The following C10orf62 variants were observed in gnomAD, a reference collection of about 807,000 sequenced individuals.
The protein encoded by C10orf62 is uncharacterized protein C10orf62.
For synonymous variants in C10orf62, 94 were observed against 109.7 expected, an observed-to-expected ratio of 0.86 and a Z score of 0.89; for missense variants, 279 against 281.9, an observed-to-expected ratio of 0.99 and a Z score of 0.07.
At position 97,589,802 on chromosome 10, in the gene C10orf62, TG is replaced by T; in HGVS notation, c.-94del. ...CAGCGTGCTCTTAGCTCTGCCTGCC[TG>T]GTGTAGGGTCCTGGAGACCTTCTTG... On this transcript the variant is annotated 5_prime_UTR_variant, in exon 1 of 1. Transcript: ENST00000370640. 1 of 891,340 alleles carries T rather than the reference TG, an allele frequency of 1.1e-6. No homozygotes were observed. Among genetic ancestry groups the T allele is most frequent in the Non-Finnish European group, 1.8e-6 (1 of 562,108 alleles). 55.2% of individuals were successfully genotyped at this position (891,340 alleles called of 1,614,324 possible). A position where few individuals can be genotyped will look rare whatever the true frequency, so the allele number is the denominator to read the frequency against.
At position 97,590,300 on chromosome 10, in the gene C10orf62, G is replaced by A; in HGVS notation, c.403G>A (p.Asp135Asn). The change falls in exon 1 of 1, where the codon GAC (aspartate) becomes AAC (asparagine). Residue 135 changes from aspartate (D) to asparagine (N), a missense_variant. Coordinates refer to ENST00000370640, the MANE Select transcript of C10orf62 (RefSeq NM_001009997.3). ...AAVAACTKEI[D>N]TQGRHLAHSM... ...TGTGGCTGCCTGCACCAAGGAGATT[G>A]ACACCCAGGGGCGGCACCTGGCTCA... The A allele has an allele frequency of 6.2e-7, 1 of 1,613,790 alleles. No homozygotes were observed.
In C10orf62 at chr10:97,590,269, G is replaced by A. The variant is rs1424630143; in HGVS notation, c.372G>A (p.Trp124Ter). The A allele has an allele frequency of 6.2e-7, 1 of 1,613,756 alleles. No homozygotes were observed. Among genetic ancestry groups the A allele is most frequent in the South Asian group, 1.1e-5 (1 of 91,082 alleles). ...CCCCATCCACTGATGAGGCCACGTGGGCCGCTGTGGCTGCCTGCACCAAGG... is the reference window on the plus strand; with the variant it reads ...CCCCATCCACTGATGAGGCCACGTGAGCCGCTGTGGCTGCCTGCACCAAGG... ...GKAPSTDEAT[W>*]AAVAACTKEI... The change falls in exon 1 of 1, where the codon TGG (tryptophan) becomes TGA (stop). Residue 124 changes from tryptophan to a stop codon, truncating the protein, a stop_gained. Coordinates refer to ENST00000370640, the MANE Select transcript of C10orf62 (RefSeq NM_001009997.3). LOFTEE classifies it low-confidence loss of function (END_TRUNC).
At position 97,589,781 on chromosome 10, in the gene C10orf62, G is replaced by T. The variant is rs11540693; in HGVS notation, c.-117G>T. 105,748 of 748,752 alleles carry T rather than the reference G, an allele frequency of 0.14. 8,599 individuals are homozygous for T. The highest frequency in any genetic ancestry group is 0.17 in the Non-Finnish European group (75,174 of 437,056). The allele number at this position is 748,752 out of a possible 1,614,324, so 46.4% of individuals were successfully genotyped here. On this transcript the variant is annotated 5_prime_UTR_variant, in exon 1 of 1. Coordinates refer to ENST00000370640, the MANE Select transcript of C10orf62 (RefSeq NM_001009997.3). The stretch of plus-strand genomic sequence containing the variant: ...ATCATACCACCAGAGATCACCCAGC[G>T]TGCTCTTAGCTCTGCCTGCCTGGTG...
Position 97,589,821 on chromosome 10 carries a change from C to T in C10orf62, c.-77C>T. On this transcript the variant is annotated 5_prime_UTR_variant, in exon 1 of 1. Transcript: ENST00000370640. Reference sequence around the variant, plus strand: ...CCTGCCTGGTGTAGGGTCCTGGAGACCTTCTTGGAGCTCATCCAGCAGCCA... The same window carrying T: ...CCTGCCTGGTGTAGGGTCCTGGAGATCTTCTTGGAGCTCATCCAGCAGCCA... The T allele has an allele frequency of 8.7e-7, 1 of 1,150,904 alleles. No homozygotes were observed. Among genetic ancestry groups the T allele is most frequent in the Non-Finnish European group, 1.3e-6 (1 of 784,854 alleles). 71.3% of individuals were successfully genotyped at this position (1,150,904 alleles called of 1,614,324 possible). A position where few individuals can be genotyped will look rare whatever the true frequency, so the allele number is the denominator to read the frequency against.
At position 97,589,844 on chromosome 10, in the gene C10orf62, C is replaced by T; in HGVS notation, c.-54C>T. On this transcript the variant is annotated 5_prime_UTR_variant, in exon 1 of 1. Coordinates refer to ENST00000370640, the MANE Select transcript of C10orf62 (RefSeq NM_001009997.3). ...GACCTTCTTGGAGCTCATCCAGCAG[C>T]CATCATGCAAGGTGGTGCTGGGGAC... is the stretch of plus-strand genomic sequence containing the variant. The T allele has an allele frequency of 1.4e-6, 2 of 1,407,222 alleles. No homozygotes were observed. Among genetic ancestry groups the T allele is most frequent in the South Asian group, 1.3e-5 (1 of 79,818 alleles). The allele number at this position is 1,407,222 out of a possible 1,614,324, so 87.2% of individuals were successfully genotyped here. A position where few individuals can be genotyped will look rare whatever the true frequency, so the allele number is the denominator to read the frequency against.
Position 97,590,097 on chromosome 10 carries a change from A to T in C10orf62, c.200A>T (p.Glu67Val), listed in dbSNP as rs571127035. ...GNATQTESGS[E>V]EVSSTVHIET... Reference sequence around the variant, plus strand: ...GCTACCCAGACTGAGAGTGGGAGTGAAGAGGTCAGCTCCACGGTTCACATA... The same window carrying T: ...GCTACCCAGACTGAGAGTGGGAGTGTAGAGGTCAGCTCCACGGTTCACATA... Residue 67 changes from glutamate (E) to valine (V), a missense_variant, in exon 1 of 1, where the codon GAA becomes GTA. By Grantham distance (121) the Glu-to-Val change is moderately radical. Coordinates refer to ENST00000370640, the MANE Select transcript of C10orf62 (RefSeq NM_001009997.3). The T allele has an allele frequency of 1.1e-5, 18 of 1,614,120 alleles. No individual in the cohort carries two copies. In the Admixed American group the frequency reaches 2.2e-4, roughly 19 times the overall value.
rs1318430367 is a variant in C10orf62, at chr10:97,589,935, C to T, written c.38C>T (p.Thr13Ile). 1 of 1,613,944 alleles carries T rather than the reference C, an allele frequency of 6.2e-7. No homozygotes were observed. Among genetic ancestry groups the T allele is most frequent in the East Asian group, 2.2e-5 (1 of 44,886 alleles). The change falls in exon 1 of 1, where the codon ACC (threonine) becomes ATC (isoleucine). Residue 13 changes from threonine (T) to isoleucine (I), a missense_variant. Physicochemically the swap from Thr to Ile is moderately conservative, Grantham distance 89. Transcript: ENST00000370640. ...CAGAGAAAGAGGAGAAGAAAGGAAA[C>T]CTCTGAGTGTCCATCAGACAAGGAC... Reference protein sequence around the residue: ...WVQRKRRRKETSECPSDKDKS... With the variant: ...WVQRKRRRKEISECPSDKDKS...
In C10orf62 at chr10:97,589,751, C is replaced by A. The variant is rs1369871763; in HGVS notation, c.-147C>A. On this transcript the variant is annotated 5_prime_UTR_variant, in exon 1 of 1. Coordinates refer to ENST00000370640, the MANE Select transcript of C10orf62 (RefSeq NM_001009997.3). The stretch of plus-strand genomic sequence containing the variant: ...TCCTTGGGGAGCCTGCCCTTTCAAG[C>A]ATGAATCATACCACCAGAGATCACC... The A allele has an allele frequency of 2.9e-6, 2 of 688,108 alleles. No homozygotes were observed. Among genetic ancestry groups the A allele is most frequent in the Non-Finnish European group, 5.1e-6 (2 of 392,656 alleles). 42.6% of individuals were successfully genotyped at this position (688,108 alleles called of 1,614,324 possible). A position where few individuals can be genotyped will look rare whatever the true frequency, so the allele number is the denominator to read the frequency against.
rs1191144942 is a variant in C10orf62, at chr10:97,590,446, C to T, written c.549C>T (p.Leu183=). The T allele has an allele frequency of 6.2e-7, 1 of 1,613,972 alleles. No individual in the cohort carries two copies. Among genetic ancestry groups the T allele is most frequent in the Non-Finnish European group, 8.5e-7 (1 of 1,180,032 alleles). Residue 183 remains leucine, a synonymous_variant, in exon 1 of 1, where the codon CTC becomes CTT. Transcript: ENST00000370640. ...EVEMKLQKNF[L]TQRENTIAGA... is the part of the protein sequence containing the mutation. ...AGATGAAGCTGCAAAAGAATTTCCTCACCCAGCGGGAAAACACCATAGCTG... is the reference window on the plus strand; with the variant it reads ...AGATGAAGCTGCAAAAGAATTTCCTTACCCAGCGGGAAAACACCATAGCTG...
In C10orf62 at chr10:97,590,871, A is replaced by G. The variant is rs2041016769; in HGVS notation, c.*302A>G. 1.9e-5 allele frequency: 9 copies of G among 467,612 alleles called. No homozygotes were observed. The South Asian group carries it at 2.5e-4, about 13-fold the overall frequency. The allele number at this position is 467,612 out of a possible 1,614,324, so 29.0% of individuals were successfully genotyped here. A position where few individuals can be genotyped will look rare whatever the true frequency, so the allele number is the denominator to read the frequency against. ...CCACCAAGAGAAGACAGATGGGAGC[A>G]GGCAAGAGCCCCACACTGATGTCAT... On this transcript the variant is annotated 3_prime_UTR_variant, in exon 1 of 1. Transcript: ENST00000370640.
rs556810078 is a variant in C10orf62, at chr10:97,590,134, C to T, written c.237C>T (p.Thr79=). ...VSSTVHIETF[T]TRHGEVGSAL... is the part of the protein sequence containing the mutation. ...CCACGGTTCACATAGAGACCTTCACCACGAGGCACGGAGAAGTGGGCTCCG... is the reference window on the plus strand; with the variant it reads ...CCACGGTTCACATAGAGACCTTCACTACGAGGCACGGAGAAGTGGGCTCCG... Residue 79 remains threonine, a synonymous_variant, in exon 1 of 1, where the codon ACC becomes ACT. Transcript: ENST00000370640. 2.8e-4 allele frequency: 449 copies of T among 1,614,120 alleles called. 3 individuals are homozygous for T. The South Asian group carries it at 4.4e-3, about 16-fold the overall frequency.
In C10orf62 at chr10:97,590,148, A is replaced by T; in HGVS notation, c.251A>T (p.Glu84Val). Residue 84 changes from glutamate to valine, a missense_variant, in exon 1 of 1, where the codon GAA becomes GTA. By Grantham distance (121) the Glu-to-Val change is moderately radical. Coordinates refer to ENST00000370640, the MANE Select transcript of C10orf62 (RefSeq NM_001009997.3). ...GAGACCTTCACCACGAGGCACGGAG[A>T]AGTGGGCTCCGCTCTGCACCGGGAA... ...HIETFTTRHG[E>V]VGSALHRESF... The T allele has an allele frequency of 6.2e-7, 1 of 1,614,036 alleles. No homozygotes were observed.
rs768239290 is a variant in C10orf62 at position 97,590,466 on chromosome 10, T to C, written c.569T>C (p.Ile190Thr). 6.2e-7 allele frequency: 1 copy of C among 1,613,632 alleles called. No individual in the cohort carries two copies. ...TTCCTCACCCAGCGGGAAAACACCA[T>C]AGCTGGTGCCAATCACACACACACC... ...KNFLTQRENT[I>T]AGANHTHTFY... The change falls in exon 1 of 1, where the codon ATA (isoleucine) becomes ACA (threonine). Residue 190 changes from isoleucine to threonine, a missense_variant. By Grantham distance (89) the Ile-to-Thr change is moderately conservative (BLOSUM62 -1). Coordinates refer to ENST00000370640, the MANE Select transcript of C10orf62 (RefSeq NM_001009997.3).
At position 97,589,783 on chromosome 10, in the gene C10orf62, G is replaced by A; in HGVS notation, c.-115G>A. ...CATACCACCAGAGATCACCCAGCGT[G>A]CTCTTAGCTCTGCCTGCCTGGTGTA... On this transcript the variant is annotated 5_prime_UTR_variant, in exon 1 of 1. Coordinates refer to ENST00000370640, the MANE Select transcript of C10orf62 (RefSeq NM_001009997.3). 1 of 759,282 alleles carries A rather than the reference G, an allele frequency of 1.3e-6. No individual in the cohort carries two copies. The allele number at this position is 759,282 out of a possible 1,614,324, so 47.0% of individuals were successfully genotyped here. A position where few individuals can be genotyped will look rare whatever the true frequency, so the allele number is the denominator to read the frequency against.
At position 97,590,886 on chromosome 10, in the gene C10orf62, A is replaced by C. The variant is rs1253178172; in HGVS notation, c.*317A>C. Reference sequence around the variant, plus strand: ...AGATGGGAGCAGGCAAGAGCCCCACACTGATGTCATTGCCTGGAACGGAGC... The same window carrying C: ...AGATGGGAGCAGGCAAGAGCCCCACCCTGATGTCATTGCCTGGAACGGAGC... On this transcript the variant is annotated 3_prime_UTR_variant, in exon 1 of 1. Transcript: ENST00000370640. The C allele has an allele frequency of 7.5e-6, 3 of 400,788 alleles. No individual in the cohort carries two copies. Among genetic ancestry groups the C allele is most frequent in the African/African-American group, 2.0e-5 (1 of 49,250 alleles). The allele number at this position is 400,788 out of a possible 1,614,324, so 24.8% of individuals were successfully genotyped here. A position where few individuals can be genotyped will look rare whatever the true frequency, so the allele number is the denominator to read the frequency against.
rs140956245 is a variant in C10orf62, at chr10:97,590,026, C to G, written c.129C>G (p.Ser43=). The G allele has an allele frequency of 6.8e-6, 11 of 1,614,036 alleles. No individual in the cohort carries two copies. The East Asian group carries it at 1.8e-4, about 26-fold the overall frequency. Residue 43 remains serine, a synonymous_variant, in exon 1 of 1, where the codon TCC becomes TCG. Transcript: ENST00000370640. The part of the protein sequence containing the change: ...SWIKSHFSRL[S]EEKLALDNNA... ...TTAAATCCCACTTTAGCCGCCTTTC[C>G]GAAGAGAAGCTGGCCCTCGACAACA... is the stretch of plus-strand genomic sequence containing the variant.
chr10:97,590,680 C>A lies in C10orf62; in HGVS notation c.*111C>A. ...TCTCCTATGGGGCCATCTATGCAGGCCAGGGTGAGATGCTGTGCCCAAATC... is the reference window on the plus strand; with the variant it reads ...TCTCCTATGGGGCCATCTATGCAGGACAGGGTGAGATGCTGTGCCCAAATC... On this transcript the variant is annotated 3_prime_UTR_variant, in exon 1 of 1. Coordinates refer to ENST00000370640, the MANE Select transcript of C10orf62 (RefSeq NM_001009997.3). The A allele has an allele frequency of 9.5e-7, 1 of 1,052,334 alleles. No individual in the cohort carries two copies. Among genetic ancestry groups the A allele is most frequent in the Non-Finnish European group, 1.4e-6 (1 of 713,450 alleles). The allele number at this position is 1,052,334 out of a possible 1,614,324, so 65.2% of individuals were successfully genotyped here.
chr10:97,590,728 G>T lies in C10orf62; in HGVS notation c.*159G>T. ...ATCCCTACTTTCTTAGGCTCCTCACGGGGATTATGGGCTCTTTAAACTCCA... is the reference window on the plus strand; with the variant it reads ...ATCCCTACTTTCTTAGGCTCCTCACTGGGATTATGGGCTCTTTAAACTCCA... On this transcript the variant is annotated 3_prime_UTR_variant, in exon 1 of 1. Transcript: ENST00000370640. The T allele has an allele frequency of 1.5e-6, 1 of 679,146 alleles. No homozygotes were observed. Among genetic ancestry groups the T allele is most frequent in the Non-Finnish European group, 2.5e-6 (1 of 394,828 alleles). 42.1% of individuals were successfully genotyped at this position (679,146 alleles called of 1,614,324 possible). A position where few individuals can be genotyped will look rare whatever the true frequency, so the allele number is the denominator to read the frequency against.
Position 97,589,952 on chromosome 10 carries a change from G to C in C10orf62, c.55G>C (p.Asp19His), listed in dbSNP as rs767480560. The C allele has an allele frequency of 6.2e-6, 10 of 1,613,992 alleles. No individual in the cohort carries two copies. In the South Asian group the frequency reaches 1.1e-4, roughly 18 times the overall value. The change falls in exon 1 of 1, where the codon GAC becomes CAC. Residue 19 changes from aspartate to histidine, a missense_variant. Coordinates refer to ENST00000370640, the MANE Select transcript of C10orf62 (RefSeq NM_001009997.3). ...AAAGGAAACCTCTGAGTGTCCATCA[G>C]ACAAGGACAAGTCACCAGAATCCCA... ...RRKETSECPS[D>H]KDKSPESHKA...
Sources: gnomAD v4.1 joint callset for allele counts on GRCh38, gnomAD v4.1.1 for gene constraint, MANE v1.5 for transcripts, NCBI Gene and HGNC (gene_info 2026-07-23, HGNC 2026-07-21) for gene names.